Variants in PDZD2 observed in about 807,000 individuals in gnomAD.
PDZD2 encodes PDZ domain-containing protein 2.
PDZD2 carries 90 observed loss-of-function variants against 220.7 expected under a neutral mutation model. That is an observed-to-expected ratio of 0.41 (90% CI 0.34 to 0.49). PDZD2 has a LOEUF of 0.49. PDZD2 is among the 20% of genes least tolerant of loss of function. The pLI is 0.28. For missense variants in PDZD2, 3,174 were observed against 3,608.5 expected, an observed-to-expected ratio of 0.88 and a Z score of 3.08; for synonymous variants, 1,375 against 1,450.5, an observed-to-expected ratio of 0.95 and a Z score of 1.18.
intron 13 of PDZD2, 144 bp downstream of exon 13, chr5:32,059,500 T>C (rs1180405345): frequency 3.9e-6 from 2 of 506,766 alleles, no homozygotes; most frequent in East Asian, 6.3e-5. Context: ...CTACAATTAA[T>C]AGCATCTCCA....
chr5:31,770,678 C>T (rs1278192566), intron 1 of PDZD2, among the ~76,000 whole-genome samples: 1 of 152,088 alleles, frequency 6.6e-6, no homozygotes, highest in Non-Finnish European at 1.5e-5. Flanking sequence ...CTATGGCCAC[C>T]CCAGAATAGC....
In PDZD2 at chr5:32,089,283, AAAC is replaced by A. The variant is rs780997676; in HGVS notation, c.5837_5839del (p.Asn1946del). ...TAGCCGACCACGAGGACCCTGACAG[AAAC>A]ACCACAGCTGCCCCCAGGTCCCCCC... On this transcript the variant is annotated inframe_deletion, in exon 20 of 25. Transcript: ENST00000438447. 12 of 1,614,064 alleles carry A rather than the reference AAAC, an allele frequency of 7.4e-6. No homozygotes were observed. The South Asian group carries it at 1.3e-4, about 18-fold the overall frequency.
chr5:32,027,855 C>T (rs1581316728), intron 6 of PDZD2, among the ~76,000 whole-genome samples: 1 of 152,190 alleles, frequency 6.6e-6, no homozygotes, highest in African/African-American at 2.4e-5. Flanking sequence ...CCTTCGGTCA[C>T]TCAAACATCT....
intron 2 of PDZD2, among the ~76,000 whole-genome samples, chr5:31,922,880 A>G (rs1427315801): frequency 1.3e-5 from 2 of 152,022 alleles, no homozygotes; most frequent in African/African-American, 4.8e-5. Context: ...GGATTTTACC[A>G]TGTTGGCCAG....
intron 2 of PDZD2, among the ~76,000 whole-genome samples, chr5:31,875,672 A>C (rs1336129994): frequency 2.0e-5 from 3 of 148,536 alleles, no homozygotes; most frequent in African/African-American, 7.3e-5. Flanking sequence ...TAAGCATATA[A>C]ATTTAATATA....
At chr5:31,940,383 G>A (rs1173857125) in intron 2 of PDZD2, among the ~76,000 whole-genome samples, 2 of 152,150 alleles carry the variant, frequency 1.3e-5, no homozygotes, top group South Asian at 2.1e-4. Context: ...GCCTCAGCAG[G>A]GCACATTGTC....
chr5:31,832,802 C>T (rs764420646), intron 2 of PDZD2, among the ~76,000 whole-genome samples: 8 of 127,418 alleles, frequency 6.3e-5, no homozygotes, highest in African/African-American at 1.3e-4. Flanking sequence ...GGTGACAGAG[C>T]GAGACTCTGT....
At chr5:31,904,623 G>A (rs1340807683) in intron 2 of PDZD2, among the ~76,000 whole-genome samples, 1 of 152,046 alleles carries the variant, frequency 6.6e-6, no homozygotes, top group Non-Finnish European at 1.5e-5. Context: ...CGCCTCCTGG[G>A]TTCACACCAT....
chr5:31,930,896 A>T (rs1007787566), intron 2 of PDZD2, among the ~76,000 whole-genome samples: 6 of 152,104 alleles, frequency 3.9e-5, no homozygotes, highest in Non-Finnish European at 8.8e-5. Context: ...AGTTGACAGG[A>T]CCTACCAGCA....
intron 2 of PDZD2, among the ~76,000 whole-genome samples, chr5:31,856,336 C>G (rs942184667): frequency 6.6e-6 from 1 of 152,098 alleles, no homozygotes; most frequent in Admixed American, 6.6e-5. Context: ...AGCTGCAGGA[C>G]TCACAGACAG....
intron 2 of PDZD2, chr5:31,908,731 C>T: frequency 9.7e-7 from 1 of 1,028,226 alleles, no homozygotes; most frequent in Non-Finnish European, 1.5e-6. Context: ...ATGTCAAGCA[C>T]ATCCTTAGTA....
At chr5:31,688,742 T>A (rs1161726085) in intron 1 of PDZD2, among the ~76,000 whole-genome samples, 2 of 152,178 alleles carry the variant, frequency 1.3e-5, no homozygotes, top group East Asian at 3.9e-4. Context: ...CTTCCTTTTC[T>A]CCTCAATGAA....
chr5:31,880,981 T>C (rs966373746), intron 2 of PDZD2, among the ~76,000 whole-genome samples: 6 of 151,696 alleles, frequency 4.0e-5, no homozygotes, highest in Non-Finnish European at 7.4e-5. Context: ...TCTGTATTTT[T>C]AGTAGAGACG....
intron 17 of PDZD2, 95 bp downstream of exon 17, chr5:32,072,412 C>A: frequency 1.0e-6 from 1 of 984,462 alleles, no homozygotes; most frequent in Non-Finnish European, 1.5e-6. Flanking sequence ...GGTTTAGCTA[C>A]CCTGGCGCTG....
chr5:31,849,162 A>G (rs1252044211), intron 2 of PDZD2, among the ~76,000 whole-genome samples: 1 of 152,216 alleles, frequency 6.6e-6, no homozygotes, highest in African/African-American at 2.4e-5. Context: ...GCCAATAAGC[A>G]TGAATGCTTC....
At chr5:32,033,815 C>T (rs1406338473) in intron 6 of PDZD2, among the ~76,000 whole-genome samples, 2 of 152,086 alleles carry the variant, frequency 1.3e-5, no homozygotes, top group African/African-American at 2.4e-5. Flanking sequence ...GATGGGGTTT[C>T]GCCATGTTGG....
intron 2 of PDZD2, among the ~76,000 whole-genome samples, chr5:31,935,056 C>A (rs1745601213): frequency 6.7e-6 from 1 of 150,364 alleles, no homozygotes; most frequent in African/African-American, 2.5e-5. Flanking sequence ...CCACTGCACT[C>A]CCACCTGGGC....
At position 32,061,045 on chromosome 5, in the gene PDZD2, C is replaced by T; in HGVS notation, c.2362C>T (p.His788Tyr). 1.9e-6 allele frequency: 3 copies of T among 1,614,186 alleles called. No individual in the cohort carries two copies. The highest frequency in any genetic ancestry group is 2.5e-6 in the Non-Finnish European group (3 of 1,179,998). ...GGAAGTGAACTCCGTCAACGTCCGC[C>T]ATGCTGCTTTAAGCAAAGTCCACGC... ...ILEVNSVNVR[H>Y]AALSKVHAIL... The change falls in exon 14 of 25, where the codon CAT (histidine) becomes TAT (tyrosine). Residue 788 changes from histidine (H) to tyrosine (Y), a missense_variant. His to Tyr is a moderately conservative substitution (Grantham distance 83). Around this residue, in one of 4 missense-constraint regions of PDZD2, gnomAD observed 1,861 missense variants for 2,001.0 expected, o/e 0.93. Coordinates refer to ENST00000438447, the MANE Select transcript of PDZD2 (RefSeq NM_178140.4).
chr5:31,732,079 G>A (rs893508459), intron 1 of PDZD2, among the ~76,000 whole-genome samples: 1 of 152,156 alleles, frequency 6.6e-6, no homozygotes, highest in Non-Finnish European at 1.5e-5. Flanking sequence ...ACCTTGTAGA[G>A]GCCCCTCATC....
Sources: gnomAD v4.1 joint callset for allele counts (sites outside exome capture counted in the v4.1 genomes callset) on GRCh38, gnomAD v4.1.1 for gene constraint, gnomAD v4.1.1 regional missense constraint, MANE v1.5 for transcripts, NCBI Gene and HGNC (gene_info 2026-07-23, HGNC 2026-07-21) for gene names.